RBMS3: variants seen among roughly 807,000 people sequenced by gnomAD.
RBMS3 encodes the protein RNA binding motif single stranded interacting protein 3.
RBMS3 carries 27 observed loss-of-function variants against 66.8 expected under a neutral mutation model. The ratio of observed to expected loss-of-function variants is 0.40; its 90% confidence interval spans 0.30 to 0.56. The LOEUF (loss-of-function observed/expected upper bound fraction) is 0.56, where lower values mean the gene tolerates loss of function less well. Among genes scored for constraint, RBMS3 ranks in the 20% least tolerant of loss-of-function variants. The probability of loss-of-function intolerance (pLI) is 0.40; values close to 1 mark genes in which losing one functional copy is unlikely to be tolerated. For synonymous variants in RBMS3, 188 were observed against 183.0 expected (o/e 1.03, Z -0.22); for missense variants, 513 against 549.5 (o/e 0.93, Z 0.66).
At chr3:29,458,190 T>C (rs1180321050) in intron 2 of RBMS3, among the ~76,000 whole-genome samples, 2 of 152,200 alleles carry the variant, frequency 1.3e-5, no homozygotes, top group African/African-American at 4.8e-5. Flanking sequence ...ATGTCTTATT[T>C]ATTACTGAGT....
chr3:29,611,312 G>T (rs2048484915), intron 4 of RBMS3, among the ~76,000 whole-genome samples: 1 of 151,976 alleles, frequency 6.6e-6, no homozygotes, highest in African/African-American at 2.4e-5. Context: ...TCAAACCTGA[G>T]TTTTATTTGG....
intron 7 of RBMS3, among the ~76,000 whole-genome samples, chr3:29,876,811 A>G (rs554680445): frequency 6.0e-5 from 9 of 149,482 alleles, no homozygotes; most frequent in African/African-American, 1.8e-4. Context: ...TGAGTTTGGT[A>G]AAGGGTGAAG....
intron 6 of RBMS3, among the ~76,000 whole-genome samples, chr3:29,807,084 G>A (rs1369939811): frequency 6.6e-6 from 1 of 151,800 alleles, no homozygotes; most frequent in Non-Finnish European, 1.5e-5. Flanking sequence ...CAATTAAGCA[G>A]GAAATCTTTT....
intron 1 of RBMS3, among the ~76,000 whole-genome samples, chr3:29,366,835 T>C (rs1302620524): frequency 1.3e-5 from 2 of 152,196 alleles, no homozygotes; most frequent in Non-Finnish European, 2.9e-5. Flanking sequence ...TGTGTCACTT[T>C]TTGATGACTT....
At chr3:29,405,674 A>G (rs1440392024) in intron 1 of RBMS3, among the ~76,000 whole-genome samples, 2 of 152,114 alleles carry the variant, frequency 1.3e-5, no homozygotes, top group African/African-American at 4.8e-5. Context: ...CAGTCTGTAA[A>G]TTTTATGGCT....
chr3:29,295,143 CTG>C lies in RBMS3; in HGVS notation c.75+13390_75+13391del, dbSNP rs1430122821. 2.6e-5 allele frequency among the ~76,000 whole-genome samples: 4 copies of C among 151,202 alleles called. No individual in the cohort carries two copies. In the Admixed American group the frequency reaches 2.6e-4, roughly 10 times the overall value. ...ACCCTGTTGTGGCTAAGAGTACAAACTGTGATTTTGGTTTGGACTTCTCTTGG... is the reference window on the plus strand; with the variant it reads ...ACCCTGTTGTGGCTAAGAGTACAAACTGATTTTGGTTTGGACTTCTCTTGG... On this transcript the variant is annotated intron_variant, in intron 1 of 14. Transcript: ENST00000383767.
intron 13 of RBMS3, 27 bp downstream of exon 13, chr3:29,988,250 G>C (rs545076512): frequency 6.4e-7 from 1 of 1,557,502 alleles, no homozygotes; most frequent in South Asian, 1.1e-5. Flanking sequence ...CTAATAAAGA[G>C]GTTAGAAGAA....
chr3:29,998,844 C>T (rs1478090114), intron 14 of RBMS3, among the ~76,000 whole-genome samples: 2 of 152,166 alleles, frequency 1.3e-5, no homozygotes, highest in African/African-American at 4.8e-5. Context: ...CAATACCATT[C>T]AGGACATAGG....
At chr3:29,899,627 T>G in intron 9 of RBMS3, 78 bp from the exon 10 acceptor site, 2 of 1,285,828 alleles carry the variant, frequency 1.6e-6, no homozygotes, top group Non-Finnish European at 2.2e-6. Flanking sequence ...TCTTATGACC[T>G]AGTGTGACTC....
intron 4 of RBMS3, among the ~76,000 whole-genome samples, chr3:29,706,966 TAGAG>T (rs777921774): frequency 2.0e-5 from 3 of 152,158 alleles, no homozygotes; most frequent in Admixed American, 6.6e-5. Context: ...CCTGAGGTCT[TAGAG>T]AGATCACTAT....
chr3:29,554,693 A>G (rs537095255), intron 3 of RBMS3, among the ~76,000 whole-genome samples: 2 of 152,280 alleles, frequency 1.3e-5, no homozygotes, highest in African/African-American at 4.8e-5. Flanking sequence ...GGGCATTTTG[A>G]GCTAAAATAA....
chr3:29,771,440 A>C (rs1383168376), intron 6 of RBMS3, among the ~76,000 whole-genome samples: 2 of 152,150 alleles, frequency 1.3e-5, no homozygotes, highest in Non-Finnish European at 2.9e-5. Context: ...TAAATAAATA[A>C]GCAAATACCT....
intron 1 of RBMS3, among the ~76,000 whole-genome samples, chr3:29,311,601 T>A (rs547246248): frequency 6.6e-6 from 1 of 151,826 alleles, no homozygotes; most frequent in African/African-American, 2.4e-5. Flanking sequence ...GTTTGAGGTT[T>A]ACTATTTAAT....
chr3:29,697,839 A>C (rs1170880865), intron 4 of RBMS3, among the ~76,000 whole-genome samples: 1 of 152,214 alleles, frequency 6.6e-6, no homozygotes, highest in East Asian at 1.9e-4. Flanking sequence ...GCATCATTTT[A>C]GCGCTCAAAA....
chr3:29,319,999 C>T (rs1035397680), intron 1 of RBMS3, among the ~76,000 whole-genome samples: 1 of 151,958 alleles, frequency 6.6e-6, no homozygotes, highest in Non-Finnish European at 1.5e-5. Flanking sequence ...CTGACCATAA[C>T]AATGTTTGAG....
intron 12 of RBMS3, among the ~76,000 whole-genome samples, chr3:29,979,935 C>A (rs1697866187): frequency 6.6e-6 from 1 of 152,140 alleles, no homozygotes; most frequent in African/African-American, 2.4e-5. Flanking sequence ...ATTTATAATC[C>A]TTTAGGTATA....
rs556455323 is a variant in RBMS3 at position 29,702,153 on chromosome 3, G to C, written c.400-37567G>C. ...GTTTGTAAATGCACCAATCAGTGCTGTGTGTCTAGCTAATCTAGTGGGACT... is the reference window on the plus strand; with the variant it reads ...GTTTGTAAATGCACCAATCAGTGCTCTGTGTCTAGCTAATCTAGTGGGACT... On this transcript the variant is annotated intron_variant, in intron 4 of 14. Transcript: ENST00000383767. 3.3e-5 allele frequency among the ~76,000 whole-genome samples: 5 copies of C among 150,486 alleles called. No homozygotes were observed. In the South Asian group the frequency reaches 6.4e-4, roughly 19 times the overall value.
chr3:29,644,702 C>A (rs2049851159), intron 4 of RBMS3, among the ~76,000 whole-genome samples: 1 of 152,130 alleles, frequency 6.6e-6, no homozygotes, highest in Non-Finnish European at 1.5e-5. Context: ...TCTTTCATTG[C>A]AGGCACTATA....
chr3:29,392,087 TA>T (rs1183012980), intron 1 of RBMS3, among the ~76,000 whole-genome samples: 6 of 151,834 alleles, frequency 4.0e-5, no homozygotes, highest in Non-Finnish European at 7.4e-5. Context: ...CCATCTCTGC[TA>T]AAAATACAAA....
Sources: allele counts gnomAD v4.1 joint callset (sites outside exome capture counted in the v4.1 genomes callset), GRCh38; gene constraint gnomAD v4.1.1; transcripts MANE v1.5; gene names NCBI Gene and HGNC (gene_info 2026-07-23, HGNC 2026-07-21).